The following OSTF1 variants were observed in gnomAD, a reference collection of about 807,000 sequenced individuals.
The protein encoded by OSTF1 is osteoclast-stimulating factor 1.
Under a neutral mutation model 37.2 loss-of-function variants are expected in OSTF1, and 27 were observed. The ratio of observed to expected loss-of-function variants is 0.73; its 90% CI spans 0.54 to 1.00. The LOEUF (loss-of-function observed/expected upper bound fraction) is 1.00. Ranked by LOEUF, OSTF1 falls within the 50% of genes least tolerant of loss-of-function variation. The probability of loss-of-function intolerance (pLI) is 0.00; values close to 1 mark genes in which losing one functional copy is unlikely to be tolerated. For synonymous variants in OSTF1, 82 were observed against 89.2 expected (o/e 0.92, Z 0.46); for missense variants, 232 against 253.8 (o/e 0.91, Z 0.58).
chr9:75,111,600 G>A (rs928779306), intron 1 of OSTF1, among the ~76,000 whole-genome samples: 48 of 152,214 alleles, frequency 3.2e-4, no homozygotes, highest in African/African-American at 1.1e-3. Context: ...CCTTAACTCA[G>A]TTGAATTCCA....
At chr9:75,101,985 T>C (rs548398540) in intron 1 of OSTF1, among the ~76,000 whole-genome samples, 3 of 152,370 alleles carry the variant, frequency 2.0e-5, no homozygotes, top group African/African-American at 4.8e-5. Flanking sequence ...TTATTTTCTT[T>C]AGAGATGGCT....
intron 8 of OSTF1, among the ~76,000 whole-genome samples, chr9:75,138,588 AATG>A (rs1469458986): frequency 4.6e-5 from 7 of 152,310 alleles, no homozygotes; most frequent in African/African-American, 7.2e-5. Context: ...TATGTGTTGA[AATG>A]ATAATATTTC....
intron 1 of OSTF1, among the ~76,000 whole-genome samples, chr9:75,113,405 A>G (rs1052709960): frequency 6.8e-6 from 1 of 147,776 alleles, no homozygotes; most frequent in Non-Finnish European, 1.5e-5. Context: ...ATTATATTCT[A>G]TGTCAGTGTC....
At chr9:75,124,761 C>G (rs1308225241) in intron 2 of OSTF1, among the ~76,000 whole-genome samples, 1 of 151,858 alleles carries the variant, frequency 6.6e-6, no homozygotes, top group Non-Finnish European at 1.5e-5. Context: ...TTTTTAAAAG[C>G]TATTTGTTTG....
chr9:75,114,039 C>T (rs117507797), intron 1 of OSTF1, among the ~76,000 whole-genome samples: 1,812 of 152,232 alleles, frequency 0.012, 15 homozygotes, highest in Non-Finnish European at 0.018. Context: ...TGAAATCATG[C>T]AGTTTTTGTC....
At chr9:75,135,330 A>G (rs764437) in intron 7 of OSTF1, among the ~76,000 whole-genome samples, 119,119 of 152,176 alleles carry the variant, frequency 0.78, 46,949 homozygotes, top group African/African-American at 0.87. Flanking sequence ...TCTTTTATGT[A>G]TGATCTGCTT....
chr9:75,114,671 C>T (rs1465439682), intron 1 of OSTF1, among the ~76,000 whole-genome samples: 2 of 151,912 alleles, frequency 1.3e-5, no homozygotes, highest in Non-Finnish European at 2.9e-5. Context: ...TCATGACACC[C>T]ACCTCTTGAG....
At chr9:75,097,421 T>C (rs910852577) in intron 1 of OSTF1, among the ~76,000 whole-genome samples, 1 of 152,090 alleles carries the variant, frequency 6.6e-6, no homozygotes, top group African/African-American at 2.4e-5. Flanking sequence ...AAACCAAAAA[T>C]AAAACTCTAA....
chr9:75,138,785 CTG>C (rs1409895957), intron 8 of OSTF1, among the ~76,000 whole-genome samples: 7 of 151,942 alleles, frequency 4.6e-5, no homozygotes, highest in African/African-American at 1.7e-4. Context: ...ATTTCCTGTT[CTG>C]ATAGAAATCA....
intron 1 of OSTF1, among the ~76,000 whole-genome samples, chr9:75,093,138 TCTTC>T (rs1353300121): frequency 6.6e-6 from 1 of 151,310 alleles, no homozygotes; most frequent in Non-Finnish European, 1.5e-5. Context: ...CAAGCAGTCT[TCTTC>T]CTTCCTGAGC....
chr9:75,119,965 TAA>T (rs201097240), intron 2 of OSTF1, among the ~76,000 whole-genome samples: 5 of 136,646 alleles, frequency 3.7e-5, no homozygotes, highest in Non-Finnish European at 8.1e-5. Context: ...TCCGTCTTAA[TAA>T]AAAAAAAAAA....
rs781160341 is a variant in OSTF1 at position 75,088,665 on chromosome 9, T to C, written c.-28T>C. 1.2e-6 allele frequency: 2 copies of C among 1,603,710 alleles called. No homozygotes were observed. The highest frequency in any genetic ancestry group is 3.4e-5 in the Admixed American group (2 of 58,854). On this transcript the variant is annotated 5_prime_UTR_variant, in exon 1 of 10. Coordinates refer to ENST00000346234, the MANE Select transcript of OSTF1 (RefSeq NM_012383.5). Reference sequence around the variant, plus strand: ...AAGCGGTGGGCTTTTCGGCGGGGTCTTTAGGATTTGCAGCTCCAGGAAGCG... The same window carrying C: ...AAGCGGTGGGCTTTTCGGCGGGGTCCTTAGGATTTGCAGCTCCAGGAAGCG...
At chr9:75,105,848 T>C (rs1301360818) in intron 1 of OSTF1, among the ~76,000 whole-genome samples, 3 of 152,218 alleles carry the variant, frequency 2.0e-5, no homozygotes, top group Admixed American at 1.3e-4. Flanking sequence ...TTATGTTATA[T>C]GATGGAGACT....
intron 2 of OSTF1, 103 bp from the exon 3 acceptor site, chr9:75,127,465 TA>T (rs1825679004): frequency 1.6e-6 from 1 of 621,228 alleles, no homozygotes; most frequent in African/African-American, 1.9e-5. Flanking sequence ...TTTAAGTGTA[TA>T]AAACCACATT....
intron 9 of OSTF1, among the ~76,000 whole-genome samples, chr9:75,143,232 A>G (rs545535523): frequency 2.0e-4 from 31 of 152,156 alleles, no homozygotes; most frequent in Non-Finnish European, 3.1e-4. Context: ...TAGAAGCACA[A>G]TGTGGATTTT....
intron 2 of OSTF1, among the ~76,000 whole-genome samples, chr9:75,120,505 A>G (rs1825562530): frequency 6.6e-6 from 1 of 152,090 alleles, no homozygotes; most frequent in African/African-American, 2.4e-5. Flanking sequence ...TGGGACTTGC[A>G]TTTACTTTGT....
intron 9 of OSTF1, among the ~76,000 whole-genome samples, chr9:75,145,177 A>ATCTATCTAATCTATCTATCTATCTAATCT (rs10701570): frequency 1.3e-5 from 2 of 148,944 alleles, no homozygotes; most frequent in Non-Finnish European, 3.0e-5. Context: ...CTATCTATCT[A>ATCTATCTAATCTATCTATCTATCTAATCT]ATCTATCTAT....
chr9:75,114,624 C>T (rs976116550), intron 1 of OSTF1, among the ~76,000 whole-genome samples: 1 of 151,236 alleles, frequency 6.6e-6, no homozygotes, highest in Non-Finnish European at 1.5e-5. Context: ...GCAATCTCAG[C>T]TCACTGCAAC....
intron 8 of OSTF1, among the ~76,000 whole-genome samples, chr9:75,139,277 G>T (rs984184064): frequency 6.6e-6 from 1 of 151,778 alleles, no homozygotes; most frequent in South Asian, 2.1e-4. Flanking sequence ...CAAGCGATCC[G>T]CCTGCCTCAG....
Sources: allele counts gnomAD v4.1 joint callset (sites outside exome capture counted in the v4.1 genomes callset), GRCh38; gene constraint gnomAD v4.1.1; transcripts MANE v1.5; gene names NCBI Gene and HGNC (gene_info 2026-07-23, HGNC 2026-07-21).